Variants in FRAS1 observed in about 807,000 individuals in gnomAD.
FRAS1 encodes the protein extracellular matrix organizing protein FRAS1.
FRAS1 carries 290 observed loss-of-function variants against 435.2 expected under a neutral mutation model. The ratio of observed to expected loss-of-function variants is 0.67; its 90% confidence interval spans 0.61 to 0.73. FRAS1 has a LOEUF of 0.73. Ranked by LOEUF, FRAS1 falls within the 30% of genes least tolerant of loss-of-function variation. The pLI is 0.00. For synonymous variants in FRAS1, 1,800 were observed against 1,851.0 expected, an observed-to-expected ratio of 0.97 and a Z score of 0.71; for missense variants, 4,860 against 5,001.5, an observed-to-expected ratio of 0.97 and a Z score of 0.85.
chr4:78,515,416 A>T (rs1721176478), intron 65 of FRAS1, among the ~76,000 whole-genome samples: 1 of 152,002 alleles, frequency 6.6e-6, no homozygotes, highest in South Asian at 2.1e-4. Context: ...CCATACAGTA[A>T]ATCCATTTCT....
intron 15 of FRAS1, among the ~76,000 whole-genome samples, chr4:78,314,285 G>A (rs1578246857): frequency 6.6e-6 from 1 of 152,072 alleles, no homozygotes; most frequent in African/African-American, 2.4e-5. Flanking sequence ...GATTGTGCAT[G>A]TTCCAAACTG....
intron 12 of FRAS1, among the ~76,000 whole-genome samples, chr4:78,283,510 T>C (rs534104351): frequency 6.6e-6 from 1 of 152,362 alleles, no homozygotes; most frequent in South Asian, 2.1e-4. Flanking sequence ...TAGTTCCAGT[T>C]AATAATTGTT....
intron 2 of FRAS1, among the ~76,000 whole-genome samples, chr4:78,148,393 T>C (rs1040510738): frequency 1.3e-5 from 2 of 152,196 alleles, no homozygotes; most frequent in Non-Finnish European, 2.9e-5. Context: ...AACTACATTG[T>C]ATAATAAAAT....
At chr4:78,513,625 T>A in intron 65 of FRAS1, 73 bp downstream of exon 65, 1 of 1,344,284 alleles carries the variant, frequency 7.4e-7, no homozygotes, top group African/African-American at 1.4e-5. Flanking sequence ...TATGCCAGAG[T>A]GAGAACTGCT....
At chr4:78,115,290 A>G (rs568230026) in intron 2 of FRAS1, among the ~76,000 whole-genome samples, 1 of 151,872 alleles carries the variant, frequency 6.6e-6, no homozygotes, top group African/African-American at 2.4e-5. Context: ...CTGAAATTCT[A>G]TTTTTTTGTT....
At chr4:78,458,062 G>A (rs1482794032) in intron 47 of FRAS1, among the ~76,000 whole-genome samples, 1 of 152,190 alleles carries the variant, frequency 6.6e-6, no homozygotes, top group African/African-American at 2.4e-5. Flanking sequence ...AGAGGTCAAA[G>A]CGAGAACTTC....
Position 78,163,653 on chromosome 4 carries a change from C to T in FRAS1, c.109-73857C>T, listed in dbSNP as rs77069523. Among the ~76,000 whole-genome samples the T allele has an allele frequency of 3.0e-3, 452 of 152,302 alleles. 2 individuals are homozygous for T. The highest frequency in any genetic ancestry group is 5.3e-3 in the Admixed American group (81 of 15,304). ...TAGTTTTCCATCCTAATCCACAAAT[C>T]TTTGTAACCCATACTGGGGCTGATC... On this transcript the variant is annotated intron_variant, in intron 2 of 73. Transcript: ENST00000512123.
At chr4:78,256,254 A>G (rs12510741) in intron 6 of FRAS1, among the ~76,000 whole-genome samples, 51,554 of 152,146 alleles carry the variant, frequency 0.34, 9,102 homozygotes, top group South Asian at 0.59. Context: ...TTGAAAGACT[A>G]GATTGTATTA....
intron 58 of FRAS1, among the ~76,000 whole-genome samples, chr4:78,485,949 G>C (rs1050765450): frequency 1.3e-5 from 2 of 152,174 alleles, no homozygotes; most frequent in Admixed American, 6.5e-5. Flanking sequence ...CCACTAGGCT[G>C]ATTTCAGGAT....
At chr4:78,477,182 A>G (rs963025679) in intron 54 of FRAS1, among the ~76,000 whole-genome samples, 4 of 152,188 alleles carry the variant, frequency 2.6e-5, no homozygotes, top group Admixed American at 2.6e-4. Context: ...TTTAAATTCC[A>G]TTATTCAGTA....
chr4:78,259,533 C>T (rs1365163116), intron 6 of FRAS1, among the ~76,000 whole-genome samples: 15 of 152,038 alleles, frequency 9.9e-5, no homozygotes, highest in South Asian at 2.1e-4. Flanking sequence ...TCATGTCCTT[C>T]GCTCACTTTT....
chr4:78,246,362 A>G (rs897482546), intron 4 of FRAS1, among the ~76,000 whole-genome samples: 1 of 152,182 alleles, frequency 6.6e-6, no homozygotes, highest in South Asian at 2.1e-4. Flanking sequence ...CAGAAAGCAC[A>G]GTGCTCATTT....
intron 7 of FRAS1, among the ~76,000 whole-genome samples, chr4:78,265,789 G>A (rs974598250): frequency 2.6e-4 from 40 of 152,202 alleles, no homozygotes; most frequent in Non-Finnish European, 5.4e-4. Flanking sequence ...TCCCTTACTC[G>A]CCAGCCACTC....
intron 47 of FRAS1, among the ~76,000 whole-genome samples, chr4:78,457,350 G>A (rs956258431): frequency 8.5e-5 from 13 of 152,128 alleles, no homozygotes; most frequent in Non-Finnish European, 1.9e-4. Context: ...ACCAGAGGTA[G>A]GTCTCCTTGC....
At chr4:78,271,796 G>A (rs7697230) in intron 9 of FRAS1, among the ~76,000 whole-genome samples, 51,827 of 152,092 alleles carry the variant, frequency 0.34, 9,176 homozygotes, top group South Asian at 0.59. Context: ...TGTCTTTATA[G>A]CAGCATGATT....
chr4:78,160,823 G>T (rs920903708), intron 2 of FRAS1, among the ~76,000 whole-genome samples: 5 of 152,110 alleles, frequency 3.3e-5, no homozygotes, highest in African/African-American at 1.2e-4. Flanking sequence ...AGCATAAAAT[G>T]ACATAAGCCA....
intron 2 of FRAS1, among the ~76,000 whole-genome samples, chr4:78,213,001 G>A (rs1459210777): frequency 1.3e-5 from 2 of 152,174 alleles, no homozygotes; most frequent in East Asian, 3.9e-4. Flanking sequence ...TCTAGGCAAG[G>A]GAGCCAGGGT....
rs569422992 is a variant in FRAS1 at position 78,475,477 on chromosome 4, G to T, written c.7722G>T (p.Thr2574=). 2.5e-6 allele frequency: 4 copies of T among 1,613,894 alleles called. No homozygotes were observed. In the Admixed American group the frequency reaches 5.0e-5, roughly 20 times the overall value. ...AGAAGGCAGGGTCTGTCAGTGTCAC[G>T]GTGCAGAGGACTGGGAACCTGAACC... is the stretch of plus-strand genomic sequence containing the variant. ...VSEKAGSVSV[T]VQRTGNLNQY... is the part of the protein sequence containing the mutation. Residue 2574 remains threonine (T), a synonymous_variant, in exon 54 of 74, where the codon ACG becomes ACT. Coordinates refer to ENST00000512123, the MANE Select transcript of FRAS1 (RefSeq NM_025074.7).
At chr4:78,344,642 T>C (rs420238) in intron 20 of FRAS1, among the ~76,000 whole-genome samples, 9,918 of 151,738 alleles carry the variant, frequency 0.065, 619 homozygotes, top group African/African-American at 0.17. Flanking sequence ...GATTACTTGA[T>C]TGGTGGATTA....
Sources: allele counts gnomAD v4.1 joint callset (sites outside exome capture counted in the v4.1 genomes callset), GRCh38; gene constraint gnomAD v4.1.1; transcripts MANE v1.5; gene names NCBI Gene and HGNC (gene_info 2026-07-23, HGNC 2026-07-21).